Variants in PITPNC1 observed in about 807,000 individuals in gnomAD.
PITPNC1 encodes the protein cytoplasmic phosphatidylinositol transfer protein 1.
In PITPNC1, 18 loss-of-function variants were observed where a neutral mutation model predicts 44.7. That is an observed-to-expected ratio of 0.40 (90% CI 0.28 to 0.60). The LOEUF is 0.60. Among genes scored for constraint, PITPNC1 ranks in the 20% least tolerant of loss-of-function variants. PITPNC1 has a pLI of 0.39. For missense variants in PITPNC1, 290 were observed against 418.4 expected (o/e 0.69, Z 2.68); for synonymous variants, 141 against 149.6 (o/e 0.94, Z 0.42).
At chr17:67,443,316 C>T (rs1306883381) in intron 1 of PITPNC1, among the ~76,000 whole-genome samples, 4 of 151,992 alleles carry the variant, frequency 2.6e-5, no homozygotes, top group African/African-American at 7.2e-5. Flanking sequence ...TCAAGTTTCA[C>T]CTCAGATATC....
At chr17:67,505,735 A>G (rs1274834131) in intron 1 of PITPNC1, among the ~76,000 whole-genome samples, 1 of 152,196 alleles carries the variant, frequency 6.6e-6, no homozygotes, top group South Asian at 2.1e-4. Context: ...TTGGCCTCCC[A>G]AAGTGTTGGG....
chr17:67,431,950 G>A (rs540219182), intron 1 of PITPNC1, among the ~76,000 whole-genome samples: 1 of 152,196 alleles, frequency 6.6e-6, no homozygotes, highest in East Asian at 1.9e-4. Context: ...CACCCAGCAC[G>A]GACCACAGCC....
At chr17:67,507,155 A>G (rs1327191739) in intron 1 of PITPNC1, among the ~76,000 whole-genome samples, 2 of 152,160 alleles carry the variant, frequency 1.3e-5, no homozygotes, top group Non-Finnish European at 1.5e-5. Flanking sequence ...GAAGAGTAAA[A>G]TATTCATAGA....
At position 67,694,730 on chromosome 17, in the gene PITPNC1, C is replaced by T. The variant is rs2042983922; in HGVS notation, c.*1842C>T. ...GTATCTTAGTAAGACACCTTCTATG[C>T]ATGGTATGGAAGCATGATTTTTGCT... is the stretch of plus-strand genomic sequence containing the variant. On this transcript the variant is annotated 3_prime_UTR_variant, in exon 9 of 9. Coordinates refer to ENST00000581322, the MANE Select transcript of PITPNC1 (RefSeq NM_012417.4). The T allele has an allele frequency of 6.6e-6, 1 of 152,144 alleles. No homozygotes were observed. Among genetic ancestry groups the T allele is most frequent in the South Asian group, 2.1e-4 (1 of 4,832 alleles). The allele number at this position is 152,144 out of a possible 1,614,324, so 9.4% of individuals were successfully genotyped here.
rs373168903 is a variant in PITPNC1, at chr17:67,386,967, G to C, written c.48+8765G>C. ...TCCCAAGTGAAGATTTTTCTTGTAG[G>C]TTACAAGGAGGATGAGGCGCAAATA... On this transcript the variant is annotated intron_variant, in intron 1 of 8. Coordinates refer to ENST00000581322, the MANE Select transcript of PITPNC1 (RefSeq NM_012417.4). Among the ~76,000 whole-genome samples, 3 of 152,112 alleles carry C rather than the reference G, an allele frequency of 2.0e-5. No homozygotes were observed. In the East Asian group the frequency reaches 5.8e-4, roughly 29 times the overall value.
At chr17:67,585,778 C>A (rs1387431925) in intron 5 of PITPNC1, among the ~76,000 whole-genome samples, 3 of 152,182 alleles carry the variant, frequency 2.0e-5, no homozygotes, top group Non-Finnish European at 4.4e-5. Context: ...GCACTCCAGC[C>A]TGGGTGATAG....
At chr17:67,559,083 C>A (rs947137138) in intron 4 of PITPNC1, among the ~76,000 whole-genome samples, 1 of 152,176 alleles carries the variant, frequency 6.6e-6, no homozygotes, top group Non-Finnish European at 1.5e-5. Context: ...CAAGCTCCCC[C>A]AGTAATCCAA....
intron 2 of PITPNC1, among the ~76,000 whole-genome samples, chr17:67,551,975 A>G (rs2040770100): frequency 6.6e-6 from 1 of 152,202 alleles, no homozygotes; most frequent in Non-Finnish European, 1.5e-5. Flanking sequence ...TCAGGCCCTG[A>G]ATTCTCATGT....
At chr17:67,405,803 C>T (rs111295221) in intron 1 of PITPNC1, among the ~76,000 whole-genome samples, 5,781 of 151,950 alleles carry the variant, frequency 0.038, 148 homozygotes, top group Non-Finnish European at 0.052. Flanking sequence ...GATGGGGTTT[C>T]GCCATGTTGC....
At chr17:67,563,278 T>G (rs941335443) in intron 4 of PITPNC1, among the ~76,000 whole-genome samples, 2 of 152,226 alleles carry the variant, frequency 1.3e-5, no homozygotes, top group African/African-American at 4.8e-5. Flanking sequence ...CAAGTCTGTA[T>G]AGAGTTTCGT....
At chr17:67,395,693 T>A (rs2038209355) in intron 1 of PITPNC1, among the ~76,000 whole-genome samples, 1 of 152,144 alleles carries the variant, frequency 6.6e-6, no homozygotes, top group South Asian at 2.1e-4. Flanking sequence ...GTAGCCTCCA[T>A]AAAAGTGACG....
At chr17:67,512,136 G>A (rs1056415200) in intron 1 of PITPNC1, among the ~76,000 whole-genome samples, 1 of 152,162 alleles carries the variant, frequency 6.6e-6, no homozygotes, top group Non-Finnish European at 1.5e-5. Flanking sequence ...AAAGATCCAC[G>A]TTGACTCCCA....
At chr17:67,403,334 A>G (rs780308165) in intron 1 of PITPNC1, among the ~76,000 whole-genome samples, 1 of 152,032 alleles carries the variant, frequency 6.6e-6, no homozygotes, top group African/African-American at 2.4e-5. Flanking sequence ...AAAATGAACT[A>G]TTCCCTACTT....
chr17:67,401,775 G>A (rs942780390), intron 1 of PITPNC1, among the ~76,000 whole-genome samples: 10 of 152,074 alleles, frequency 6.6e-5, no homozygotes, highest in Admixed American at 2.0e-4. Flanking sequence ...CCCAGGAGGC[G>A]GAGGTTGCAG....
chr17:67,576,270 G>A (rs9905416), intron 4 of PITPNC1, among the ~76,000 whole-genome samples: 2,218 of 152,214 alleles, frequency 0.015, 48 homozygotes, highest in African/African-American at 0.05. Context: ...TATGGACACT[G>A]AGACCTGGCC....
intron 1 of PITPNC1, among the ~76,000 whole-genome samples, chr17:67,460,025 C>T (rs185259236): frequency 2.0e-5 from 3 of 152,306 alleles, no homozygotes; most frequent in Non-Finnish European, 4.4e-5. Context: ...AGCTTTCCCA[C>T]CATCCTTCTC....
At chr17:67,408,538 C>CA (rs774274464) in intron 1 of PITPNC1, among the ~76,000 whole-genome samples, 13 of 151,198 alleles carry the variant, frequency 8.6e-5, no homozygotes, top group Non-Finnish European at 1.0e-4. Context: ...TCAAAACAAA[C>CA]AAAAAAAAAG....
intron 1 of PITPNC1, among the ~76,000 whole-genome samples, chr17:67,505,596 T>C (rs1236401804): frequency 2.6e-5 from 4 of 152,212 alleles, no homozygotes; most frequent in Admixed American, 2.6e-4. Flanking sequence ...AATTCCAGTC[T>C]ATTTGTAACT....
chr17:67,453,806 C>T (rs1485796741), intron 1 of PITPNC1, among the ~76,000 whole-genome samples: 1 of 152,122 alleles, frequency 6.6e-6, no homozygotes. Context: ...GTTAATGTTT[C>T]CTATCATCAT....
Sources: gnomAD v4.1 joint callset for allele counts (sites outside exome capture counted in the v4.1 genomes callset) on GRCh38, gnomAD v4.1.1 for gene constraint, MANE v1.5 for transcripts, NCBI Gene and HGNC (gene_info 2026-07-23, HGNC 2026-07-21) for gene names.